The following OR1N2 variants were observed in gnomAD, a reference collection of about 807,000 sequenced individuals.
OR1N2 encodes the protein olfactory receptor family 1 subfamily N member 2, also known as olfactory receptor 1N2.
For synonymous variants in OR1N2, 152 were observed against 149.3 expected (o/e 1.02, Z -0.13); for missense variants, 358 against 380.2 (o/e 0.94, Z 0.49).
chr9:122,554,174 G>A lies in OR1N2; in HGVS notation c.*12G>A. On this transcript the variant is annotated 3_prime_UTR_variant, in exon 1 of 1. Coordinates refer to ENST00000373688, the MANE Select transcript of OR1N2 (RefSeq NM_001004457.2). ...CATTCTTTTTATGATTAGACATCTA[G>A]ACGGTGATGTCTAATCTTGATCAAC... 6.3e-7 allele frequency: 1 copy of A among 1,587,230 alleles called. No homozygotes were observed. The highest frequency in any genetic ancestry group is 8.6e-7 in the Non-Finnish European group (1 of 1,161,928).
rs576330403 is a variant in OR1N2, at chr9:122,553,758, G to A, written c.547G>A (p.Asp183Asn). 5 of 1,614,014 alleles carry A rather than the reference G, an allele frequency of 3.1e-6. No homozygotes were observed. In the South Asian group the frequency reaches 4.4e-5, roughly 14 times the overall value. ...AQKAIPHFYC[D>N]PSALLKLACS... ...GAAAGCCATCCCTCATTTCTATTGT[G>A]ATCCTAGTGCTCTCCTGAAGCTTGC... The change falls in exon 1 of 1, where the codon GAT becomes AAT. Residue 183 changes from aspartate (D) to asparagine (N), a missense_variant. Coordinates refer to ENST00000373688, the MANE Select transcript of OR1N2 (RefSeq NM_001004457.2).
Position 122,553,698 on chromosome 9 carries a change from A to T in OR1N2, c.487A>T (p.Thr163Ser). 1.9e-6 allele frequency: 3 copies of T among 1,614,068 alleles called. No homozygotes were observed. Among genetic ancestry groups the T allele is most frequent in the Non-Finnish European group, 1.7e-6 (2 of 1,180,008 alleles). Residue 163 changes from threonine to serine, a missense_variant, in exon 1 of 1, where the codon ACA (threonine) becomes TCA (serine). Transcript: ENST00000373688. The stretch of plus-strand genomic sequence containing the variant: ...AACCAACTGTCCTGCCCTGATGCAC[A>T]CACTGTTGCTGACCCGCGTGGCTTT... The part of the protein sequence containing the change: ...VLTNCPALMH[T>S]LLLTRVAFCA...
Position 122,553,924 on chromosome 9 carries a change from G to A in OR1N2, c.713G>A (p.Trp238Ter), listed in dbSNP as rs760441727. 6.2e-7 allele frequency: 1 copy of A among 1,613,914 alleles called. No homozygotes were observed. The highest frequency in any genetic ancestry group is 1.7e-5 in the Admixed American group (1 of 60,004). The change falls in exon 1 of 1, where the codon TGG (tryptophan) becomes TAG (stop). Residue 238 changes from tryptophan to a stop codon, truncating the protein, a stop_gained. Coordinates refer to ENST00000373688, the MANE Select transcript of OR1N2 (RefSeq NM_001004457.2). LOFTEE classifies it low-confidence loss of function (END_TRUNC). The part of the protein sequence containing the change: ...VFVISSPGGR[W>*]KAFSTCGSHL... The stretch of plus-strand genomic sequence containing the variant: ...GTCATCTCATCTCCTGGAGGGAGAT[G>A]GAAGGCCTTCTCTACCTGTGGTTCT...
rs370067350 is a variant in OR1N2, at chr9:122,554,070, A to G, written c.859A>G (p.Thr287Ala). ...AAVLYMVIIP[T>A]LNPFIYSLRN... is the part of the protein sequence containing the mutation. ...TGTTCTCTATATGGTGATTATTCCCACGCTAAACCCATTCATTTATAGCTT... is the reference window on the plus strand; with the variant it reads ...TGTTCTCTATATGGTGATTATTCCCGCGCTAAACCCATTCATTTATAGCTT... The change falls in exon 1 of 1, where the codon ACG becomes GCG. Residue 287 changes from threonine (T) to alanine (A), a missense_variant. By Grantham distance (58) the Thr-to-Ala change is moderately conservative (BLOSUM62 0). Transcript: ENST00000373688. 4.9e-5 allele frequency: 79 copies of G among 1,613,598 alleles called. No homozygotes were observed. The highest frequency in any genetic ancestry group is 6.5e-5 in the Non-Finnish European group (77 of 1,179,686).
chr9:122,553,314 C>T lies in OR1N2; in HGVS notation c.103C>T (p.Leu35Phe), dbSNP rs1369735797. 2 of 1,613,912 alleles carry T rather than the reference C, an allele frequency of 1.2e-6. No homozygotes were observed. Among genetic ancestry groups the T allele is most frequent in the African/African-American group, 2.7e-5 (2 of 74,884 alleles). ...EEQPLLFGIF[L>F]GMYLVTMVGN... ...GCAGCCTCTTCTGTTTGGCATCTTC[C>T]TTGGCATGTACCTGGTCACCATGGT... The change falls in exon 1 of 1, where the codon CTT becomes TTT. Residue 35 changes from leucine to phenylalanine, a missense_variant. Physicochemically the swap from Leu to Phe is conservative, Grantham distance 22 (BLOSUM62 0). Coordinates refer to ENST00000373688, the MANE Select transcript of OR1N2 (RefSeq NM_001004457.2).
In OR1N2 at chr9:122,553,294, C is replaced by T; in HGVS notation, c.83C>T (p.Pro28Leu). 3 of 1,614,046 alleles carry T rather than the reference C, an allele frequency of 1.9e-6. No individual in the cohort carries two copies. Among genetic ancestry groups the T allele is most frequent in the Non-Finnish European group, 2.5e-6 (3 of 1,179,982 alleles). ...CTCTCTGAGTGGCCAGAGGAGCAGC[C>T]TCTTCTGTTTGGCATCTTCCTTGGC... ...LGLSEWPEEQ[P>L]LLFGIFLGMY... is the part of the protein sequence containing the mutation. The change falls in exon 1 of 1, where the codon CCT (proline) becomes CTT (leucine). Residue 28 changes from proline (P) to leucine (L), a missense_variant. Transcript: ENST00000373688.
rs199593130 is a variant in OR1N2, at chr9:122,553,567, C to T, written c.356C>T (p.Ala119Val). The change falls in exon 1 of 1, where the codon GCT (alanine) becomes GTT (valine). Residue 119 changes from alanine to valine, a missense_variant. Transcript: ENST00000373688. ...GGTGGCCTTGACAACTGCCTGCTGG[C>T]TGTGATGGCATATGACCGCTATGTG... ...MFGGLDNCLL[A>V]VMAYDRYVAI... 6.2e-7 allele frequency: 1 copy of T among 1,614,134 alleles called. No homozygotes were observed. Among genetic ancestry groups the T allele is most frequent in the African/African-American group, 1.3e-5 (1 of 75,042 alleles).
In OR1N2 at chr9:122,553,321, T is replaced by G. The variant is rs1829216707; in HGVS notation, c.110T>G (p.Met37Arg). 3.7e-6 allele frequency: 6 copies of G among 1,614,052 alleles called. No individual in the cohort carries two copies. Among genetic ancestry groups the G allele is most frequent in the Non-Finnish European group, 4.2e-6 (5 of 1,180,004 alleles). ...QPLLFGIFLG[M>R]YLVTMVGNLL... is the part of the protein sequence containing the mutation. ...CTTCTGTTTGGCATCTTCCTTGGCA[T>G]GTACCTGGTCACCATGGTGGGGAAC... The change falls in exon 1 of 1, where the codon ATG becomes AGG. Residue 37 changes from methionine to arginine, a missense_variant. By Grantham distance (91) the Met-to-Arg change is moderately conservative. Coordinates refer to ENST00000373688, the MANE Select transcript of OR1N2 (RefSeq NM_001004457.2).
rs1280101058 is a variant in OR1N2, at chr9:122,553,170, A to G, written c.-42A>G. On this transcript the variant is annotated 5_prime_UTR_variant, in exon 1 of 1. The change abolishes an upstream ATG in the 5' untranslated region. Coordinates refer to ENST00000373688, the MANE Select transcript of OR1N2 (RefSeq NM_001004457.2). ...TGATCTAATAAATAAATACTGACAC[A>G]TGGAAGGTTTTTATCTGCGCAGATC... The G allele has an allele frequency of 1.9e-6, 3 of 1,592,648 alleles. No individual in the cohort carries two copies. Among genetic ancestry groups the G allele is most frequent in the Non-Finnish European group, 2.6e-6 (3 of 1,168,094 alleles).
Position 122,553,708 on chromosome 9 carries a change from T to C in OR1N2, c.497T>C (p.Leu166Pro). ...NCPALMHTLL[L>P]TRVAFCAQKA... Reference sequence around the variant, plus strand: ...CCTGCCCTGATGCACACACTGTTGCTGACCCGCGTGGCTTTCTGTGCCCAG... The same window carrying C: ...CCTGCCCTGATGCACACACTGTTGCCGACCCGCGTGGCTTTCTGTGCCCAG... Residue 166 changes from leucine (L) to proline (P), a missense_variant, in exon 1 of 1, where the codon CTG (leucine) becomes CCG (proline). Coordinates refer to ENST00000373688, the MANE Select transcript of OR1N2 (RefSeq NM_001004457.2). 1.9e-6 allele frequency: 3 copies of C among 1,614,156 alleles called. No individual in the cohort carries two copies. The highest frequency in any genetic ancestry group is 2.5e-6 in the Non-Finnish European group (3 of 1,180,028).
At position 122,553,749 on chromosome 9, in the gene OR1N2, T is replaced by C. The variant is rs41297203; in HGVS notation, c.538T>C (p.Phe180Leu). The change falls in exon 1 of 1, where the codon TTC (phenylalanine) becomes CTC (leucine). Residue 180 changes from phenylalanine to leucine, a missense_variant. By Grantham distance (22) the Phe-to-Leu change is conservative. Transcript: ENST00000373688. ...CTGTGCCCAGAAAGCCATCCCTCATTTCTATTGTGATCCTAGTGCTCTCCT... is the reference window on the plus strand; with the variant it reads ...CTGTGCCCAGAAAGCCATCCCTCATCTCTATTGTGATCCTAGTGCTCTCCT... ...AFCAQKAIPH[F>L]YCDPSALLKL... 0.086 allele frequency: 138,174 copies of C among 1,613,794 alleles called. 6,543 individuals are homozygous for C. The highest frequency in any genetic ancestry group is 0.12 in the Middle Eastern group (741 of 6,060).
Position 122,553,851 on chromosome 9 carries a change from CT to C in OR1N2, c.641del (p.Leu214ProfsTer3), listed in dbSNP as rs1829232054. ...TMGLLFLTVP[L>X]LLIVFSYVRI... The stretch of plus-strand genomic sequence containing the variant: ...GGGCTTGCTGTTCCTCACTGTTCCC[CT>C]CCTGCTGATCGTCTTCTCCTATGTC... On this transcript the variant is annotated frameshift_variant, in exon 1 of 1. Transcript: ENST00000373688. LOFTEE classifies it low-confidence loss of function (END_TRUNC). 6.2e-7 allele frequency: 1 copy of C among 1,614,062 alleles called. No homozygotes were observed. Among genetic ancestry groups the C allele is most frequent in the East Asian group, 2.2e-5 (1 of 44,874 alleles).
Position 122,553,113 on chromosome 9 carries a change from A to C in OR1N2, c.-99A>C. 8.0e-7 allele frequency: 1 copy of C among 1,247,378 alleles called. No individual in the cohort carries two copies. The highest frequency in any genetic ancestry group is 1.1e-6 in the Non-Finnish European group (1 of 887,842). The allele number at this position is 1,247,378 out of a possible 1,614,324, so 77.3% of individuals were successfully genotyped here. On this transcript the variant is annotated 5_prime_UTR_variant, in exon 1 of 1. Coordinates refer to ENST00000373688, the MANE Select transcript of OR1N2 (RefSeq NM_001004457.2). ...TTTTCTTTTCTTTTTCTCCCAGCACAGTTCTGGCCACACAGATGCATATCT... is the reference window on the plus strand; with the variant it reads ...TTTTCTTTTCTTTTTCTCCCAGCACCGTTCTGGCCACACAGATGCATATCT...
chr9:122,553,967 G>C lies in OR1N2; in HGVS notation c.756G>C (p.Leu252=). The part of the protein sequence containing the change: ...STCGSHLTVV[L]LFYGSLMGVY... ...GTGGTTCTCATCTCACGGTGGTTCT[G>C]CTCTTCTATGGGTCTCTTATGGGTG... Residue 252 remains leucine, a synonymous_variant, in exon 1 of 1, where the codon CTG becomes CTC. Transcript: ENST00000373688. The C allele has an allele frequency of 6.2e-7, 1 of 1,613,726 alleles. No homozygotes were observed. The highest frequency in any genetic ancestry group is 8.5e-7 in the Non-Finnish European group (1 of 1,179,786).
At position 122,554,180 on chromosome 9, in the gene OR1N2, G is replaced by A; in HGVS notation, c.*18G>A. The A allele has an allele frequency of 3.2e-6, 5 of 1,580,996 alleles. No homozygotes were observed. The highest frequency in any genetic ancestry group is 4.3e-6 in the Non-Finnish European group (5 of 1,160,060). On this transcript the variant is annotated 3_prime_UTR_variant, in exon 1 of 1. Transcript: ENST00000373688. ...TTTTATGATTAGACATCTAGACGGT[G>A]ATGTCTAATCTTGATCAACCCCTCC... is the stretch of plus-strand genomic sequence containing the variant.
chr9:122,553,891 CTG>C lies in OR1N2; in HGVS notation c.684_685del (p.Phe229CysfsTer47), dbSNP rs1324899203. The C allele has an allele frequency of 4.3e-6, 7 of 1,614,096 alleles. No homozygotes were observed. The highest frequency in any genetic ancestry group is 1.7e-6 in the Non-Finnish European group (2 of 1,179,972). On this transcript the variant is annotated frameshift_variant, in exon 1 of 1. Transcript: ENST00000373688. LOFTEE classifies it low-confidence loss of function (END_TRUNC). ...TTCTCCTATGTCCGCATTTTCTGGGCTGTGTTTGTCATCTCATCTCCTGGAGG... is the reference window on the plus strand; with the variant it reads ...TTCTCCTATGTCCGCATTTTCTGGGCTGTTTGTCATCTCATCTCCTGGAGG...
In OR1N2 at chr9:122,553,198, A is replaced by G. The variant is rs1296668246; in HGVS notation, c.-14A>G. 6.8e-6 allele frequency: 11 copies of G among 1,612,336 alleles called. No homozygotes were observed. The highest frequency in any genetic ancestry group is 7.6e-6 in the Non-Finnish European group (9 of 1,179,132). On this transcript the variant is annotated 5_prime_UTR_variant, in exon 1 of 1. Transcript: ENST00000373688. ...GAAGGTTTTTATCTGCGCAGATCAC[A>G]CGAACTACAAGGGATGGGAAAACCA... is the stretch of plus-strand genomic sequence containing the variant.
Position 122,553,688 on chromosome 9 carries a change from C to T in OR1N2, c.477C>T (p.Ala159=). 1 of 1,614,108 alleles carries T rather than the reference C, an allele frequency of 6.2e-7. No individual in the cohort carries two copies. Among genetic ancestry groups the T allele is most frequent in the Non-Finnish European group, 8.5e-7 (1 of 1,180,004 alleles). Residue 159 remains alanine (A), a synonymous_variant, in exon 1 of 1, where the codon GCC becomes GCT. Coordinates refer to ENST00000373688, the MANE Select transcript of OR1N2 (RefSeq NM_001004457.2). ...GCTGGGTGCTAACCAACTGTCCTGC[C>T]CTGATGCACACACTGTTGCTGACCC... ...GVCWVLTNCP[A]LMHTLLLTRV...
chr9:122,553,178 T>A lies in OR1N2; in HGVS notation c.-34T>A. ...TAAATAAATACTGACACATGGAAGG[T>A]TTTTATCTGCGCAGATCACACGAAC... On this transcript the variant is annotated 5_prime_UTR_variant, in exon 1 of 1. Transcript: ENST00000373688. 1 of 1,600,558 alleles carries A rather than the reference T, an allele frequency of 6.2e-7. No individual in the cohort carries two copies.
Sources: gnomAD v4.1 joint callset for allele counts on GRCh38, gnomAD v4.1.1 for gene constraint, MANE v1.5 for transcripts, NCBI Gene and HGNC (gene_info 2026-07-23, HGNC 2026-07-21) for gene names.